FBXL17: variants seen among roughly 807,000 people sequenced by gnomAD.
The protein encoded by FBXL17 is F-box/LRR-repeat protein 17.
In FBXL17, 22 loss-of-function variants were observed where a neutral mutation model predicts 66.2. The ratio of observed to expected loss-of-function variants is 0.33; its 90% confidence interval spans 0.24 to 0.47. The LOEUF is 0.47. Ranked by LOEUF, FBXL17 falls within the 20% of genes least tolerant of loss-of-function variation. FBXL17 has a pLI of 1.00. For synonymous variants in FBXL17, 474 were observed against 400.5 expected (o/e 1.18, Z -2.19); for missense variants, 878 against 948.2 (o/e 0.93, Z 0.97).
In FBXL17 at chr5:108,381,380, G is replaced by T. The variant is rs1354190780; in HGVS notation, c.312C>A (p.Tyr104Ter). Residue 104 changes from tyrosine to a stop codon, truncating the protein, a stop_gained, in exon 1 of 9, where the codon TAC (tyrosine) becomes TAA (stop). Transcript: ENST00000542267. LOFTEE classifies it high-confidence loss of function. ...ASSSQHLARR[Y>*]AALAAEDCAA... ...CGCAGTCCTCGGCGGCCAGGGCCGCGTAGCGCCGCGCCAGGTGCTGAGAGG... is the reference window on the plus strand; with the variant it reads ...CGCAGTCCTCGGCGGCCAGGGCCGCTTAGCGCCGCGCCAGGTGCTGAGAGG... The T allele has an allele frequency of 7.5e-7, 1 of 1,327,058 alleles. No individual in the cohort carries two copies. Among genetic ancestry groups the T allele is most frequent in the Non-Finnish European group, 9.5e-7 (1 of 1,047,684 alleles). The allele number at this position is 1,327,058 out of a possible 1,614,324, so 82.2% of individuals were successfully genotyped here.
chr5:108,362,115 G>C (rs866174576), intron 3 of FBXL17, among the ~76,000 whole-genome samples: 7 of 152,118 alleles, frequency 4.6e-5, no homozygotes, highest in Non-Finnish European at 2.9e-5. Context: ...TGGAGAGGCA[G>C]GCTTTTGGAG....
chr5:108,120,971 A>G (rs1296710252), intron 6 of FBXL17, among the ~76,000 whole-genome samples: 1 of 152,244 alleles, frequency 6.6e-6, no homozygotes, highest in East Asian at 1.9e-4. Context: ...TCAGAAGAAT[A>G]CAGGAATTTG....
At chr5:108,070,698 A>C (rs1440340831) in intron 6 of FBXL17, among the ~76,000 whole-genome samples, 2 of 152,190 alleles carry the variant, frequency 1.3e-5, no homozygotes, top group Non-Finnish European at 2.9e-5. Flanking sequence ...AAAAATACAC[A>C]GTTTGCTTTG....
chr5:108,071,043 T>C (rs1446731666), intron 6 of FBXL17, among the ~76,000 whole-genome samples: 1 of 152,198 alleles, frequency 6.6e-6, no homozygotes, highest in Non-Finnish European at 1.5e-5. Context: ...AAATGCTATC[T>C]CAACTAACTG....
At chr5:108,267,599 A>G (rs1757096999) in intron 4 of FBXL17, among the ~76,000 whole-genome samples, 1 of 152,084 alleles carries the variant, frequency 6.6e-6, no homozygotes, top group African/African-American at 2.4e-5. Flanking sequence ...ATGGTTTATT[A>G]AACAAATATT....
At chr5:108,247,399 G>C (rs1756152050) in intron 4 of FBXL17, among the ~76,000 whole-genome samples, 1 of 152,012 alleles carries the variant, frequency 6.6e-6, no homozygotes, top group South Asian at 2.1e-4. Context: ...AAAAGTGCAG[G>C]TATCAAATTC....
chr5:108,186,715 G>A (rs1312676119), intron 5 of FBXL17, among the ~76,000 whole-genome samples: 3 of 151,168 alleles, frequency 2.0e-5, no homozygotes, highest in African/African-American at 7.3e-5. Context: ...GTTGCAGTGA[G>A]CCCAGATCGC....
intron 7 of FBXL17, among the ~76,000 whole-genome samples, chr5:107,917,951 C>A (rs902430411): frequency 1.8e-4 from 27 of 152,166 alleles, no homozygotes; most frequent in African/African-American, 5.6e-4. Context: ...TTCCACTGGG[C>A]AGACTGAGAA....
chr5:108,056,431 T>C (rs967349547), intron 6 of FBXL17, among the ~76,000 whole-genome samples: 10 of 152,226 alleles, frequency 6.6e-5, no homozygotes, highest in Non-Finnish European at 1.5e-4. Flanking sequence ...TTTTGTTCAC[T>C]CCCTTTCTGT....
intron 4 of FBXL17, among the ~76,000 whole-genome samples, chr5:108,243,074 T>C (rs1374150289): frequency 6.6e-6 from 1 of 152,236 alleles, no homozygotes; most frequent in Non-Finnish European, 1.5e-5. Context: ...TGATTTTTGT[T>C]CATTCTATCT....
chr5:108,163,751 G>A (rs776736433), intron 6 of FBXL17, among the ~76,000 whole-genome samples: 3 of 152,096 alleles, frequency 2.0e-5, no homozygotes, highest in Non-Finnish European at 4.4e-5. Context: ...CTACATATTC[G>A]TCAAAATATG....
At chr5:108,225,108 C>G (rs1258886724) in intron 4 of FBXL17, among the ~76,000 whole-genome samples, 1 of 152,124 alleles carries the variant, frequency 6.6e-6, no homozygotes, top group Non-Finnish European at 1.5e-5. Context: ...CCACTACCTC[C>G]AAGCCTGGCA....
At chr5:108,008,391 C>A (rs374746086) in intron 7 of FBXL17, among the ~76,000 whole-genome samples, 1 of 152,078 alleles carries the variant, frequency 6.6e-6, no homozygotes, top group Non-Finnish European at 1.5e-5. Context: ...CTTATGTAAA[C>A]CAGAGCAGAA....
intron 6 of FBXL17, among the ~76,000 whole-genome samples, chr5:108,109,763 T>G (rs1370041649): frequency 1.3e-5 from 2 of 152,132 alleles, no homozygotes; most frequent in Non-Finnish European, 2.9e-5. Flanking sequence ...ATTATTGCAT[T>G]AGCTCAATGT....
intron 7 of FBXL17, among the ~76,000 whole-genome samples, chr5:108,012,833 T>C (rs961395317): frequency 2.0e-5 from 3 of 152,022 alleles, no homozygotes; most frequent in African/African-American, 7.2e-5. Context: ...CTGACCAACA[T>C]GGAGAAACCC....
chr5:107,987,402 G>A (rs757562552), intron 7 of FBXL17, among the ~76,000 whole-genome samples: 22 of 151,842 alleles, frequency 1.4e-4, no homozygotes, highest in Non-Finnish European at 3.1e-4. Flanking sequence ...AGCCGATCTT[G>A]AAAATAATAT....
intron 3 of FBXL17, among the ~76,000 whole-genome samples, chr5:108,351,267 T>C (rs1747637609): frequency 6.6e-6 from 1 of 152,154 alleles, no homozygotes; most frequent in South Asian, 2.1e-4. Flanking sequence ...GATGAGAGGA[T>C]AAGACACAGG....
At chr5:108,201,804 A>T (rs1057065147) in intron 5 of FBXL17, among the ~76,000 whole-genome samples, 1 of 150,624 alleles carries the variant, frequency 6.6e-6, no homozygotes, top group Non-Finnish European at 1.5e-5. Context: ...AGTGACACTG[A>T]TCCTTAAATA....
chr5:108,331,894 C>G (rs913187667), intron 4 of FBXL17, among the ~76,000 whole-genome samples: 1 of 152,020 alleles, frequency 6.6e-6, no homozygotes, highest in Admixed American at 6.6e-5. Flanking sequence ...TTCAAGGGAC[C>G]AACATATAGA....
Sources: gnomAD v4.1 joint callset for allele counts (sites outside exome capture counted in the v4.1 genomes callset) on GRCh38, gnomAD v4.1.1 for gene constraint, MANE v1.5 for transcripts, NCBI Gene and HGNC (gene_info 2026-07-23, HGNC 2026-07-21) for gene names.